Variants in FHIT observed in about 807,000 individuals in gnomAD.
FHIT encodes bis(5'-adenosyl)-triphosphatase.
FHIT carries 19 observed loss-of-function variants against 17.9 expected under a neutral mutation model. The observed-to-expected ratio is 1.06, with a 90% CI of 0.74 to 1.56. The LOEUF (loss-of-function observed/expected upper bound fraction) is 1.56. Among genes scored for constraint, FHIT ranks in the 40% most tolerant of loss-of-function variants. The pLI, the probability that FHIT is intolerant of heterozygous loss-of-function variation, is 0.00. For synonymous variants in FHIT, 81 were observed against 69.7 expected (o/e 1.16, Z -0.81); for missense variants, 248 against 189.2 (o/e 1.31, Z -1.82).
intron 7 of FHIT, among the ~76,000 whole-genome samples, chr3:59,952,807 A>C (rs992031826): frequency 1.3e-5 from 2 of 152,148 alleles, no homozygotes; most frequent in African/African-American, 4.8e-5. Context: ...TAGAGGGTGC[A>C]AAAACGTCCT....
At position 60,207,783 on chromosome 3, in the gene FHIT, T is replaced by C. The variant is rs1576310065; in HGVS notation, c.104-193631A>G. Among the ~76,000 whole-genome samples, 4 of 152,226 alleles carry C rather than the reference T, an allele frequency of 2.6e-5. No homozygotes were observed. In the South Asian group the frequency reaches 8.3e-4, roughly 32 times the overall value. On this transcript the variant is annotated intron_variant, in intron 5 of 9. Coordinates refer to ENST00000492590, the MANE Select transcript of FHIT (RefSeq NM_002012.4). ...TTGTCATGAGAATGTGTGAAAAATCTATAGGCTTACAAAACATGAAAACTC... is the reference window on the plus strand; with the variant it reads ...TTGTCATGAGAATGTGTGAAAAATCCATAGGCTTACAAAACATGAAAACTC...
At chr3:60,425,641 C>T (rs540852213) in intron 5 of FHIT, among the ~76,000 whole-genome samples, 2 of 152,038 alleles carry the variant, frequency 1.3e-5, no homozygotes, top group Non-Finnish European at 2.9e-5. Context: ...TGTATTCATC[C>T]ACTTTTTAAA....
At chr3:61,006,896 G>A (rs991587986) in intron 3 of FHIT, among the ~76,000 whole-genome samples, 2 of 152,036 alleles carry the variant, frequency 1.3e-5, no homozygotes, top group African/African-American at 4.8e-5. Flanking sequence ...TGATACTTTC[G>A]ATTGGAAAGA....
At chr3:60,009,219 G>T (rs1700046114) in intron 7 of FHIT, among the ~76,000 whole-genome samples, 1 of 134,314 alleles carries the variant, frequency 7.4e-6, no homozygotes, top group Non-Finnish European at 1.6e-5. Context: ...GTGTGTGTGT[G>T]TGTGTGTGTG....
At chr3:60,799,983 T>A (rs139314283) in intron 4 of FHIT, among the ~76,000 whole-genome samples, 66 of 152,290 alleles carry the variant, frequency 4.3e-4, no homozygotes, top group African/African-American at 1.4e-3. Flanking sequence ...TAAATGAATA[T>A]CAATTCATTT....
chr3:60,834,162 T>C (rs1001460694), intron 3 of FHIT, among the ~76,000 whole-genome samples: 1 of 152,190 alleles, frequency 6.6e-6, no homozygotes, highest in Admixed American at 6.5e-5. Flanking sequence ...GTATGATAAG[T>C]GCATGTTTAA....
intron 5 of FHIT, among the ~76,000 whole-genome samples, chr3:60,140,059 T>C (rs1312997299): frequency 6.6e-6 from 1 of 151,944 alleles, no homozygotes; most frequent in Non-Finnish European, 1.5e-5. Flanking sequence ...AGACAGAGTT[T>C]GCAGTGAGCA....
At chr3:60,675,188 C>T (rs1553694945) in intron 4 of FHIT, among the ~76,000 whole-genome samples, 1 of 152,172 alleles carries the variant, frequency 6.6e-6, no homozygotes, top group African/African-American at 2.4e-5. Flanking sequence ...TATAGTTATT[C>T]ATGAAATGAG....
chr3:61,001,663 A>G (rs545396316), intron 3 of FHIT, among the ~76,000 whole-genome samples: 6 of 152,312 alleles, frequency 3.9e-5, no homozygotes, highest in African/African-American at 1.4e-4. Context: ...GGGGTAGGGA[A>G]TAGGTGTTGA....
intron 5 of FHIT, among the ~76,000 whole-genome samples, chr3:60,187,593 G>A (rs912758806): frequency 2.0e-5 from 3 of 152,112 alleles, no homozygotes; most frequent in African/African-American, 7.2e-5. Flanking sequence ...TGAATCACCA[G>A]CCCTGCCTAT....
At chr3:60,469,894 C>T (rs1016557859) in intron 5 of FHIT, among the ~76,000 whole-genome samples, 1 of 152,134 alleles carries the variant, frequency 6.6e-6, no homozygotes, top group Non-Finnish European at 1.5e-5. Flanking sequence ...AACACTGTGG[C>T]TATTGCAGGC....
intron 3 of FHIT, among the ~76,000 whole-genome samples, chr3:60,869,625 G>T (rs1360170110): frequency 2.0e-5 from 3 of 152,108 alleles, no homozygotes; most frequent in Non-Finnish European, 4.4e-5. Context: ...AACAACTTTT[G>T]CCACGGAGCC....
intron 5 of FHIT, among the ~76,000 whole-genome samples, chr3:60,509,198 C>T (rs2034850307): frequency 6.6e-6 from 1 of 152,126 alleles, no homozygotes; most frequent in South Asian, 2.1e-4. Context: ...CAAATGATAC[C>T]AGGACATGTA....
chr3:61,088,404 G>A (rs1045717046), intron 2 of FHIT, among the ~76,000 whole-genome samples: 2 of 152,156 alleles, frequency 1.3e-5, no homozygotes, highest in African/African-American at 4.8e-5. Flanking sequence ...TTGAATCAGT[G>A]AGTCTGCTTT....
chr3:60,403,794 T>C (rs1226186955), intron 5 of FHIT, among the ~76,000 whole-genome samples: 1 of 152,178 alleles, frequency 6.6e-6, no homozygotes, highest in Non-Finnish European at 1.5e-5. Context: ...AAGTACAAAA[T>C]TGGACAATTT....
intron 5 of FHIT, among the ~76,000 whole-genome samples, chr3:60,272,639 G>C (rs1466377285): frequency 6.6e-6 from 1 of 152,168 alleles, no homozygotes; most frequent in Non-Finnish European, 1.5e-5. Flanking sequence ...ATGAGGATGA[G>C]GACCTCACTG....
chr3:60,667,021 ATTTTTT>A (rs56071877), intron 4 of FHIT, among the ~76,000 whole-genome samples: 44 of 34,126 alleles, frequency 1.3e-3, no homozygotes, highest in African/African-American at 4.1e-3. Context: ...TGCCTGGTTA[ATTTTTT>A]TTTTTTTTTT....
At chr3:59,964,860 A>G (rs1347915630) in intron 7 of FHIT, among the ~76,000 whole-genome samples, 2 of 152,180 alleles carry the variant, frequency 1.3e-5, no homozygotes, top group South Asian at 2.1e-4. Context: ...AATGCCACCA[A>G]TGTGAATATC....
At chr3:60,466,745 A>C (rs2032815958) in intron 5 of FHIT, among the ~76,000 whole-genome samples, 1 of 150,782 alleles carries the variant, frequency 6.6e-6, no homozygotes, top group Admixed American at 6.6e-5. Flanking sequence ...TGCTTTTTTT[A>C]ATGTGTTGCT....
Sources: allele counts gnomAD v4.1 joint callset (sites outside exome capture counted in the v4.1 genomes callset), GRCh38; gene constraint gnomAD v4.1.1; transcripts MANE v1.5; gene names NCBI Gene and HGNC (gene_info 2026-07-23, HGNC 2026-07-21).